Variants in PAK3 observed in about 807,000 individuals in gnomAD.
PAK3 encodes the protein serine/threonine-protein kinase PAK 3.
In PAK3, 4 loss-of-function variants were observed where a neutral mutation model predicts 41.0. That is an observed-to-expected ratio of 0.10 (90% CI 0.05 to 0.22). PAK3 has a LOEUF of 0.22. Among genes scored for constraint, PAK3 ranks in the 10% least tolerant of loss-of-function variants. The probability of loss-of-function intolerance (pLI) is 1.00; values close to 1 mark genes in which losing one functional copy is unlikely to be tolerated. For missense variants in PAK3, 205 were observed against 409.9 expected (o/e 0.50, Z 4.32); for synonymous variants, 146 against 139.6 (o/e 1.05, Z -0.32).
At chrX:111,141,729 A>C (rs957281935) in intron 5 of PAK3, among the ~76,000 whole-genome samples, 2 of 112,151 alleles carry the variant, frequency 1.8e-5, no homozygotes, top group African/African-American at 6.5e-5. Flanking sequence ...TTCTAATAGT[A>C]TGCCTTAGCT....
intron 16 of PAK3, among the ~76,000 whole-genome samples, chrX:111,214,631 T>C (rs2094857233): frequency 9.0e-6 from 1 of 111,389 alleles, no homozygotes; most frequent in African/African-American, 3.3e-5. Context: ...GAAACCTGTG[T>C]TTTAACAAAC....
chrX:111,187,481 G>A (rs2094521824), intron 11 of PAK3, among the ~76,000 whole-genome samples: 1 of 111,392 alleles, frequency 9.0e-6, no homozygotes, highest in Non-Finnish European at 1.9e-5. Flanking sequence ...TACTTACCCA[G>A]AGTCTGACAA....
chrX:111,006,127 T>C (rs2091919115), intron 1 of PAK3, among the ~76,000 whole-genome samples: 1 of 112,097 alleles, frequency 8.9e-6, no homozygotes, highest in Non-Finnish European at 1.9e-5. Context: ...TCAGAGATTA[T>C]GTCTTAATTG....
At chrX:111,196,351 T>C in intron 15 of PAK3, 93 bp from the exon 16 acceptor site, 1 of 686,772 alleles carries the variant, frequency 1.5e-6, no homozygotes, top group South Asian at 2.2e-5. Context: ...AAACTCAGTG[T>C]GTAGCAAAGG....
intron 1 of PAK3, among the ~76,000 whole-genome samples, chrX:111,065,031 A>C (rs1337513101): frequency 8.9e-6 from 1 of 112,063 alleles, no homozygotes; most frequent in African/African-American, 3.2e-5. Context: ...TTATTTTTCT[A>C]TTTGGATGCC....
chrX:111,206,985 G>A (rs1387482989), intron 16 of PAK3, among the ~76,000 whole-genome samples: 1 of 110,035 alleles, frequency 9.1e-6, no homozygotes, highest in Non-Finnish European at 1.9e-5. Flanking sequence ...GTTAGTTGGA[G>A]ATTCTAAAAC....
intron 1 of PAK3, among the ~76,000 whole-genome samples, chrX:110,985,701 T>C (rs769398082): frequency 1.8e-5 from 2 of 112,362 alleles, no homozygotes; most frequent in African/African-American, 3.2e-5. Flanking sequence ...GATATTAGCA[T>C]GTGCTGGGCA....
At chrX:111,188,077 C>A (rs961523824) in intron 11 of PAK3, among the ~76,000 whole-genome samples, 5 of 108,653 alleles carry the variant, frequency 4.6e-5, no homozygotes, top group Non-Finnish European at 9.5e-5. Context: ...GATATTTAAA[C>A]CTCTGTGGAT....
chrX:111,203,717 G>A (rs1170085475), intron 16 of PAK3, among the ~76,000 whole-genome samples: 5 of 111,919 alleles, frequency 4.5e-5, no homozygotes, highest in Non-Finnish European at 9.4e-5. Flanking sequence ...TCTAGTAACT[G>A]AAAAGCAACT....
chrX:111,035,953 A>G (rs924894767), intron 1 of PAK3, among the ~76,000 whole-genome samples: 1 of 112,509 alleles, frequency 8.9e-6, no homozygotes, highest in Non-Finnish European at 1.9e-5. Flanking sequence ...AATAACTTTC[A>G]CAAAGCTAAA....
chrX:111,088,107 T>C (rs2092903423), intron 1 of PAK3, among the ~76,000 whole-genome samples: 1 of 111,680 alleles, frequency 9.0e-6, no homozygotes, highest in South Asian at 3.8e-4. Context: ...TTAGAATGTC[T>C]AGGGGTAGGG....
At chrX:111,050,649 C>T (rs921586941) in intron 1 of PAK3, among the ~76,000 whole-genome samples, 20 of 111,934 alleles carry the variant, frequency 1.8e-4, no homozygotes, top group African/African-American at 5.8e-4. Context: ...CTAGGCCCAG[C>T]CCTTCACCTC....
Position 111,204,649 on chromosome X carries a change from G to C in PAK3, c.1407+8009G>C, listed in dbSNP as rs375289511. 4.5e-5 allele frequency among the ~76,000 whole-genome samples: 5 copies of C among 110,966 alleles called. No homozygotes were observed. The East Asian group carries it at 1.4e-3, about 31-fold the overall frequency. On this transcript the variant is annotated intron_variant, in intron 16 of 17. Coordinates refer to ENST00000372007, the MANE Select transcript of PAK3 (RefSeq NM_002578.5). ...TTTGATTGATACCTTTTCCAACCGG[G>C]TTGCAACATCATTGTAGAAAACCCT...
intron 1 of PAK3, among the ~76,000 whole-genome samples, chrX:111,016,541 G>A (rs1340247461): frequency 9.0e-6 from 1 of 111,090 alleles, no homozygotes; most frequent in African/African-American, 3.3e-5. Flanking sequence ...ACGTGCTCAA[G>A]TGCCAAGATC....
chrX:111,181,100 C>G (rs909395224), intron 11 of PAK3, among the ~76,000 whole-genome samples: 3 of 111,612 alleles, frequency 2.7e-5, no homozygotes, highest in African/African-American at 9.8e-5. Flanking sequence ...AAAACACTCC[C>G]ACACTGACTT....
At chrX:111,025,922 C>T (rs2092263662) in intron 1 of PAK3, among the ~76,000 whole-genome samples, 1 of 109,688 alleles carries the variant, frequency 9.1e-6, no homozygotes, top group South Asian at 3.9e-4. Flanking sequence ...TACTAGCAAA[C>T]CAAATCCAAC....
chrX:111,211,020 G>C (rs1215789093), intron 16 of PAK3, among the ~76,000 whole-genome samples: 1 of 111,880 alleles, frequency 8.9e-6, no homozygotes, highest in East Asian at 2.8e-4. Flanking sequence ...ATTTTAACCA[G>C]TGCTTGAAAA....
rs535665700 is a variant in PAK3 at position 111,125,005 on chromosome X, G to A, written c.175+1727G>A. ...CTAGCCACATGTCTGAGATTCTTGA[G>A]CCTTTCAGTCAGTGTTTGATCTGGC... is the stretch of plus-strand genomic sequence containing the variant. On this transcript the variant is annotated intron_variant, in intron 5 of 17. Transcript: ENST00000372007. 2.6e-4 allele frequency among the ~76,000 whole-genome samples: 29 copies of A among 112,030 alleles called. 1 individual carries two copies. The South Asian group carries it at 0.01, about 41-fold the overall frequency.
chrX:111,016,730 G>A (rs866362324), intron 1 of PAK3, among the ~76,000 whole-genome samples: 2 of 9,969 alleles, frequency 2.0e-4, no homozygotes, highest in African/African-American at 3.0e-4. Context: ...AAGAAAGGAA[G>A]GAAAGAAGGA....
Sources: gnomAD v4.1 joint callset for allele counts (sites outside exome capture counted in the v4.1 genomes callset) on GRCh38, gnomAD v4.1.1 for gene constraint, MANE v1.5 for transcripts, NCBI Gene and HGNC (gene_info 2026-07-23, HGNC 2026-07-21) for gene names.